The following ABCB7 variants were observed in gnomAD, a reference collection of about 807,000 sequenced individuals.
ABCB7 encodes the protein ATP binding cassette subfamily B member 7.
A neutral mutation model predicts 54.4 loss-of-function variants in ABCB7; 7 were observed. The observed-to-expected ratio is 0.13, with a 90% CI of 0.07 to 0.24. The LOEUF (loss-of-function observed/expected upper bound fraction) is 0.24. Ranked by LOEUF, ABCB7 falls within the 10% of genes least tolerant of loss-of-function variation. The pLI, the probability that ABCB7 is intolerant of heterozygous loss-of-function variation, is 1.00. For missense variants in ABCB7, 356 were observed against 570.4 expected (o/e 0.62, Z 3.83); for synonymous variants, 218 against 207.1 (o/e 1.05, Z -0.45).
At chrX:75,057,098 A>G (rs991880150) in intron 15 of ABCB7, among the ~76,000 whole-genome samples, 8 of 111,481 alleles carry the variant, frequency 7.2e-5, no homozygotes, top group African/African-American at 2.3e-4. Flanking sequence ...TTATTTTTGA[A>G]GGTATAAAAA....
intron 3 of ABCB7, among the ~76,000 whole-genome samples, chrX:75,100,650 A>G (rs1390940895): frequency 9.0e-6 from 1 of 111,541 alleles, no homozygotes; most frequent in African/African-American, 3.3e-5. Flanking sequence ...TTATTCTCGC[A>G]CAGTACATTA....
chrX:75,095,227 T>C (rs1249184679), intron 4 of ABCB7, among the ~76,000 whole-genome samples: 1 of 111,795 alleles, frequency 8.9e-6, no homozygotes, highest in Non-Finnish European at 1.9e-5. Flanking sequence ...GCCATGCAGA[T>C]GGCAGGGTGG....
At chrX:75,109,936 A>G (rs371958145) in intron 3 of ABCB7, among the ~76,000 whole-genome samples, 5 of 112,420 alleles carry the variant, frequency 4.4e-5, no homozygotes, top group African/African-American at 1.6e-4. Context: ...TGTCTAAAAA[A>G]TCCAGAGTAT....
At chrX:75,060,025 TTAA>T (rs899758890) in intron 15 of ABCB7, among the ~76,000 whole-genome samples, 195 bp downstream of exon 15, 5 of 112,082 alleles carry the variant, frequency 4.5e-5, no homozygotes, top group African/African-American at 1.6e-4. Context: ...TTATAATACT[TTAA>T]TAAAGAGTGA....
At chrX:75,064,932 G>A in intron 13 of ABCB7, 138 bp downstream of exon 13, 1 of 709,332 alleles carries the variant, frequency 1.4e-6, no homozygotes, top group Non-Finnish European at 2.2e-6. Context: ...AGGGCTAGGA[G>A]ATTAGTAACC....
intron 4 of ABCB7, among the ~76,000 whole-genome samples, chrX:75,089,817 T>C (rs868750264): frequency 9.0e-6 from 1 of 110,553 alleles, no homozygotes; most frequent in Non-Finnish European, 1.9e-5. Context: ...ATTGTCAGAA[T>C]GGATTTTTAA....
At chrX:75,099,199 A>G (rs2081618281) in intron 3 of ABCB7, 138 bp from the exon 4 acceptor site, 4 of 707,468 alleles carry the variant, frequency 5.7e-6, no homozygotes, top group Admixed American at 4.0e-5. Context: ...TCTAAGGCTA[A>G]TATCTTTCAA....
intron 4 of ABCB7, among the ~76,000 whole-genome samples, chrX:75,083,967 G>T (rs1602354155): frequency 9.0e-6 from 1 of 110,725 alleles, no homozygotes; most frequent in Admixed American, 9.6e-5. Context: ...TGATTTTGTG[G>T]GTGGGCCAAA....
chrX:75,073,210 C>T lies in ABCB7; in HGVS notation c.1032+479G>A, dbSNP rs188106886. On this transcript the variant is annotated intron_variant, in intron 8 of 15. Transcript: ENST00000373394. Reference sequence around the variant, plus strand: ...CGTACACTCTAAAATAATGATTAAACGTGTAAAAATACATATACTAGTTAA... The same window carrying T: ...CGTACACTCTAAAATAATGATTAAATGTGTAAAAATACATATACTAGTTAA... 3.0e-3 allele frequency among the ~76,000 whole-genome samples: 333 copies of T among 111,580 alleles called. 1 individual carries two copies. The highest frequency in any genetic ancestry group is 0.01 in the African/African-American group (311 of 30,757).
At chrX:75,083,658 A>G (rs1158789194) in intron 4 of ABCB7, among the ~76,000 whole-genome samples, 1 of 110,253 alleles carries the variant, frequency 9.1e-6, no homozygotes, top group East Asian at 2.8e-4. Context: ...AAAGAAGGGA[A>G]GAAAGTTGGA....
chrX:75,114,621 C>G (rs2081791948), intron 2 of ABCB7, 133 bp downstream of exon 2: 2 of 470,630 alleles, frequency 4.2e-6, no homozygotes, highest in Non-Finnish European at 6.9e-6. Context: ...AGAAACATAC[C>G]TTCTTATTCA....
At chrX:75,082,644 C>T (rs1006568568) in intron 4 of ABCB7, among the ~76,000 whole-genome samples, 8 of 111,336 alleles carry the variant, frequency 7.2e-5, no homozygotes, top group East Asian at 5.6e-4. Context: ...CTGACTGATG[C>T]GGTTTACAGT....
At chrX:75,077,678 G>A (rs1172222807) in intron 4 of ABCB7, among the ~76,000 whole-genome samples, 1 of 111,379 alleles carries the variant, frequency 9.0e-6, no homozygotes, top group Non-Finnish European at 1.9e-5. Context: ...AAGATTCCAA[G>A]GTAACGTATA....
intron 1 of ABCB7, among the ~76,000 whole-genome samples, chrX:75,129,146 C>T (rs939621648): frequency 5.4e-5 from 6 of 111,894 alleles, no homozygotes; most frequent in Non-Finnish European, 9.4e-5. Flanking sequence ...CACATGCACA[C>T]GTATGTTTAT....
chrX:75,065,288 C>A (rs190222089), intron 12 of ABCB7, 47 bp from the exon 13 acceptor site: 1 of 1,038,413 alleles, frequency 9.6e-7, no homozygotes, highest in Non-Finnish European at 1.3e-6. Context: ...CTATATATCT[C>A]TCTCTATTTA....
chrX:75,072,825 T>C (rs757650786), intron 8 of ABCB7, among the ~76,000 whole-genome samples: 2 of 112,194 alleles, frequency 1.8e-5, no homozygotes, highest in South Asian at 3.6e-4. Context: ...TTTTAAAAAC[T>C]TTTTTACTCT....
chrX:75,058,246 C>T (rs2081257014), intron 15 of ABCB7, among the ~76,000 whole-genome samples: 1 of 111,363 alleles, frequency 9.0e-6, no homozygotes, highest in Admixed American at 9.6e-5. Flanking sequence ...TCTTTTGACA[C>T]ACAACTTTTT....
intron 6 of ABCB7, among the ~76,000 whole-genome samples, chrX:75,075,128 T>C (rs1602345485): frequency 8.9e-6 from 1 of 112,195 alleles, no homozygotes; most frequent in African/African-American, 3.2e-5. Context: ...TAAGTACTAG[T>C]TGATGACTAA....
chrX:75,095,762 A>G (rs1338658929), intron 4 of ABCB7, among the ~76,000 whole-genome samples: 1 of 112,437 alleles, frequency 8.9e-6, no homozygotes, highest in African/African-American at 3.2e-5. Flanking sequence ...ATCAGTTTAC[A>G]TGAGTTTAGT....
Sources: gnomAD v4.1 joint callset for allele counts (sites outside exome capture counted in the v4.1 genomes callset) on GRCh38, gnomAD v4.1.1 for gene constraint, MANE v1.5 for transcripts, NCBI Gene and HGNC (gene_info 2026-07-23, HGNC 2026-07-21) for gene names.